The following HMCN2 variants were observed in gnomAD, a reference collection of about 807,000 sequenced individuals.
The protein encoded by HMCN2 is hemicentin-2.
A neutral mutation model predicts 377.5 loss-of-function variants in HMCN2; 325 were observed. That is an observed-to-expected ratio of 0.86 (90% confidence interval 0.79 to 0.94). The LOEUF (loss-of-function observed/expected upper bound fraction) is 0.94, where lower values mean the gene tolerates loss of function less well. Among genes scored for constraint, HMCN2 ranks in the 40% least tolerant of loss-of-function variants. The pLI is 0.00. For missense variants in HMCN2, 4,543 were observed against 4,725.3 expected (o/e 0.96, Z 1.13); for synonymous variants, 2,007 against 2,046.8 (o/e 0.98, Z 0.53).
rs1225917560 is a variant in HMCN2 at position 130,383,572 on chromosome 9, T to G, written c.8802T>G (p.Ala2934=). 2.0e-6 allele frequency: 2 copies of G among 985,958 alleles called. No individual in the cohort carries two copies. The highest frequency in any genetic ancestry group is 3.5e-5 in the African/African-American group (2 of 57,352). 61.1% of individuals were successfully genotyped at this position (985,958 alleles called of 1,614,324 possible). ...MCVAENQAGS[A]EKLFTLRVQV... ...TGGCCGAGAACCAGGCGGGCTCCGC[T>G]GAGAAGCTCTTCACCCTCAGGGTTC... Residue 2934 remains alanine (A), a synonymous_variant, in exon 57 of 98, where the codon GCT becomes GCG. Transcript: ENST00000683500.
chr9:130,281,134 T>G (rs1164156406), intron 1 of HMCN2, among the ~76,000 whole-genome samples: 1 of 151,274 alleles, frequency 6.6e-6, no homozygotes, highest in Non-Finnish European at 1.5e-5. Flanking sequence ...GTTGTGCCCC[T>G]TCCCTTTTTT....
chr9:130,305,396 G>A (rs1205655659), intron 11 of HMCN2, among the ~76,000 whole-genome samples: 2 of 152,176 alleles, frequency 1.3e-5, no homozygotes, highest in African/African-American at 2.4e-5. Flanking sequence ...GGCAGAGATC[G>A]GGCAGCACTG....
At chr9:130,295,231 G>A (rs1836057266) in intron 5 of HMCN2, among the ~76,000 whole-genome samples, 1 of 152,144 alleles carries the variant, frequency 6.6e-6, no homozygotes, top group Admixed American at 6.5e-5. Flanking sequence ...AACCGGCGAT[G>A]GGAATTAAAG....
intron 59 of HMCN2, 66 bp downstream of exon 59, chr9:130,384,864 C>A: frequency 9.4e-7 from 1 of 1,058,566 alleles, no homozygotes; most frequent in Non-Finnish European, 1.3e-6. Flanking sequence ...AGCCCATACT[C>A]CCCCAGAGAA....
At chr9:130,381,335 G>A (rs1229206565) in intron 54 of HMCN2, among the ~76,000 whole-genome samples, 1 of 151,502 alleles carries the variant, frequency 6.6e-6, no homozygotes, top group Non-Finnish European at 1.5e-5. Context: ...GGAGACCAAC[G>A]CCAGCCCCCA....
chr9:130,398,558 A>G lies in HMCN2; in HGVS notation c.11334A>G (p.Pro3778=). 1.6e-6 allele frequency: 2 copies of G among 1,241,080 alleles called. No individual in the cohort carries two copies. The highest frequency in any genetic ancestry group is 2.1e-6 in the Non-Finnish European group (2 of 958,538). The allele number at this position is 1,241,080 out of a possible 1,614,324, so 76.9% of individuals were successfully genotyped here. ...CCACTGTGCTCTCCCCAGAGCCTCC[A>G]GCCATCGCCCCCAGCCCCTCCAACC... ...QGRDLRVLEP[P]AIAPSPSNLT... The change falls in exon 75 of 98, where the codon CCA becomes CCG. Residue 3778 remains proline (P), a synonymous_variant. Transcript: ENST00000683500.
chr9:130,363,838 A>G (rs1474168849), intron 40 of HMCN2, among the ~76,000 whole-genome samples: 3 of 150,808 alleles, frequency 2.0e-5, no homozygotes, highest in Non-Finnish European at 4.4e-5. Flanking sequence ...AAAAAAAGAA[A>G]GAAAGAGAGA....
At position 130,303,063 on chromosome 9, in the gene HMCN2, G is replaced by T; in HGVS notation, c.1421+62G>T. ...AGGGCTCCTGGCTGCTGAGGCCCTG[G>T]AGGGATCTCAGGGGAGTGGGTGGCA... On this transcript the variant is annotated intron_variant, in intron 9 of 97. Coordinates refer to ENST00000683500, the MANE Select transcript of HMCN2 (RefSeq NM_001291815.2). This position sits in a 1 kb window ranked among gnomAD's most constrained non-coding sequence, Gnocchi z 5.2. The T allele has an allele frequency of 2.4e-6, 1 of 420,716 alleles. No homozygotes were observed. Among genetic ancestry groups the T allele is most frequent in the South Asian group, 1.8e-5 (1 of 56,566 alleles). The allele number at this position is 420,716 out of a possible 1,614,324, so 26.1% of individuals were successfully genotyped here. A position where few individuals can be genotyped will look rare whatever the true frequency, so the allele number is the denominator to read the frequency against.
At chr9:130,322,988 T>A (rs993410176) in intron 19 of HMCN2, among the ~76,000 whole-genome samples, 104 of 152,296 alleles carry the variant, frequency 6.8e-4, no homozygotes, top group African/African-American at 2.4e-3. Context: ...AAGGGCTGGG[T>A]TGAGCGCTCA....
At chr9:130,358,199 G>T (rs1304294147) in intron 35 of HMCN2, among the ~76,000 whole-genome samples, 191 bp from the exon 36 acceptor site, 1 of 152,222 alleles carries the variant, frequency 6.6e-6, no homozygotes, top group African/African-American at 2.4e-5. Flanking sequence ...GGGGGACAGG[G>T]AATGGTATGC....
Position 130,358,434 on chromosome 9 carries a change from T to C in HMCN2, c.5625T>C (p.Ala1875=), listed in dbSNP as rs1448165695. The C allele has an allele frequency of 6.9e-6, 9 of 1,304,262 alleles. No individual in the cohort carries two copies. The African/African-American group carries it at 9.1e-5, about 13-fold the overall frequency. The allele number at this position is 1,304,262 out of a possible 1,614,324, so 80.8% of individuals were successfully genotyped here. ...DLRDEGIYTC[A]ATNLAGESKR... ...GGGACGAGGGCATCTACACTTGTGC[T>C]GCTACCAACCTGGCTGGGGAGAGCA... is the stretch of plus-strand genomic sequence containing the variant. Residue 1875 remains alanine, a synonymous_variant, in exon 36 of 98, where the codon GCT becomes GCC. Transcript: ENST00000683500.
At chr9:130,325,177 C>CCT (rs1460350868) in intron 19 of HMCN2, among the ~76,000 whole-genome samples, 2 of 150,716 alleles carry the variant, frequency 1.3e-5, no homozygotes, top group East Asian at 3.9e-4. Context: ...CTCACTGCAA[C>CCT]CTCCGCCTTC....
intron 40 of HMCN2, among the ~76,000 whole-genome samples, chr9:130,364,158 A>G (rs545793787): frequency 6.6e-6 from 1 of 152,262 alleles, no homozygotes; most frequent in African/African-American, 2.4e-5. Flanking sequence ...ATTGAACCTC[A>G]TGGCGGCCCC....
Position 130,376,551 on chromosome 9 carries a change from G to T in HMCN2, c.7954G>T (p.Glu2652Ter). 1.0e-6 allele frequency: 1 copy of T among 985,868 alleles called. No individual in the cohort carries two copies. Among genetic ancestry groups the T allele is most frequent in the Non-Finnish European group, 1.2e-6 (1 of 829,986 alleles). The allele number at this position is 985,868 out of a possible 1,614,324, so 61.1% of individuals were successfully genotyped here. ...PSISKDDPLA[E>*]VGVKEVKTKV... ...CATCTCCAAAGACGACCCCTTGGCG[G>T]AGGTCGGCGTGAAGGAGGTGAAGAC... Residue 2652 changes from glutamate to a stop codon, truncating the protein, a stop_gained, in exon 52 of 98, where the codon GAG (glutamate) becomes TAG (stop). Transcript: ENST00000683500. LOFTEE classifies it high-confidence loss of function.
intron 19 of HMCN2, among the ~76,000 whole-genome samples, chr9:130,323,948 T>C (rs949305870): frequency 0.99 from 149,979 of 152,200 alleles, 73,936 homozygotes; most frequent in East Asian, 1. Context: ...GTGATCCACC[T>C]GCCTCAGCCT....
chr9:130,285,656 G>A (rs556564100), intron 3 of HMCN2, among the ~76,000 whole-genome samples: 50 of 152,322 alleles, frequency 3.3e-4, no homozygotes, highest in Non-Finnish European at 7.3e-5. Flanking sequence ...GTTCTCTGCC[G>A]TTCCTGTCCC....
intron 22 of HMCN2, among the ~76,000 whole-genome samples, chr9:130,331,464 G>T (rs1460530861): frequency 1.3e-5 from 2 of 152,316 alleles, no homozygotes; most frequent in East Asian, 3.9e-4. Context: ...TGACTGAGCA[G>T]TATCCTATGC....
In HMCN2 at chr9:130,369,847, A is replaced by G; in HGVS notation, c.7065A>G (p.Val2355=). The part of the protein sequence containing the change: ...GRAERKFELS[V]LVPPELIGDL... ...CAGAGAGGAAGTTTGAGCTCTCCGT[A>G]CTGGGTGAGGACCGGCAGCTGCTGG... is the stretch of plus-strand genomic sequence containing the variant. The change falls in exon 45 of 98, where the codon GTA becomes GTG. Residue 2355 remains valine, a synonymous_variant. Coordinates refer to ENST00000683500, the MANE Select transcript of HMCN2 (RefSeq NM_001291815.2). The surrounding 1 kb of genome is among the most constrained non-coding windows in gnomAD (Gnocchi z 4.5). 1 of 986,162 alleles carries G rather than the reference A, an allele frequency of 1.0e-6. No individual in the cohort carries two copies. The highest frequency in any genetic ancestry group is 4.7e-5 in the South Asian group (1 of 21,294). The allele number at this position is 986,162 out of a possible 1,614,324, so 61.1% of individuals were successfully genotyped here.
At chr9:130,383,327 C>T (rs374762052) in intron 56 of HMCN2, among the ~76,000 whole-genome samples, 177 bp from the exon 57 acceptor site, 5 of 152,156 alleles carry the variant, frequency 3.3e-5, no homozygotes, top group Admixed American at 6.5e-5. Context: ...CAACCTCACA[C>T]GCCCGCTCCT....
Sources: allele counts gnomAD v4.1 joint callset (sites outside exome capture counted in the v4.1 genomes callset), GRCh38; gene constraint gnomAD v4.1.1; non-coding constraint Gnocchi (gnomAD v3.1); transcripts MANE v1.5; gene names NCBI Gene and HGNC (gene_info 2026-07-23, HGNC 2026-07-21).